Variants in POLI observed in about 807,000 individuals in gnomAD.
POLI encodes DNA polymerase iota, also known as RAD30 homolog B.
Under a neutral mutation model 51.6 loss-of-function variants are expected in POLI, and 58 were observed. That is an observed-to-expected ratio of 1.12 (90% CI 0.91 to 1.40). POLI has a LOEUF of 1.40. Among genes scored for constraint, POLI ranks in the 40% most tolerant of loss-of-function variants. POLI has a pLI of 0.00. For synonymous variants in POLI, 322 were observed against 299.7 expected (o/e 1.07, Z -0.77); for missense variants, 921 against 871.3 (o/e 1.06, Z -0.72).
chr18:54,321,012 A>C (rs923438289), intron 4 of POLI: 2 of 152,194 alleles, frequency 1.3e-5, no homozygotes, highest in Non-Finnish European at 2.9e-5. Context: ...CCAGTTTTAC[A>C]TGCACTCATT....
At chr18:54,271,814 A>C (rs531298864) in intron 2 of POLI, among the ~76,000 whole-genome samples, 4 of 152,328 alleles carry the variant, frequency 2.6e-5, no homozygotes, top group African/African-American at 9.6e-5. Flanking sequence ...TGTTCTCAAA[A>C]ACAGCCTCTT....
In POLI at chr18:54,283,913, C is replaced by CT. The variant is rs1253471320; in HGVS notation, c.976-6dup. On this transcript the variant is annotated splice_polypyrimidine_tract_variant and intron_variant, in intron 6 of 9. Coordinates refer to ENST00000579534, the MANE Select transcript of POLI (RefSeq NM_007195.3). ...TTTGTGCTAATCCTTATTTATGCTT[C>CT]TTTGATAGTCCTTTAGTGAAGAAGA... The CT allele has an allele frequency of 1.8e-6, 2 of 1,085,726 alleles. No homozygotes were observed. Among genetic ancestry groups the CT allele is most frequent in the African/African-American group, 3.1e-5 (2 of 63,642 alleles). The allele number at this position is 1,085,726 out of a possible 1,614,324, so 67.3% of individuals were successfully genotyped here.
chr18:54,303,071 G>A (rs1171322045), downstream of POLI, among the ~76,000 whole-genome samples: 1 of 152,166 alleles, frequency 6.6e-6, no homozygotes, highest in Admixed American at 6.6e-5. Context: ...AAGTAATGAT[G>A]TATTGCTATT....
chr18:54,300,713 A>G (rs997904275), downstream of POLI, among the ~76,000 whole-genome samples: 1 of 152,188 alleles, frequency 6.6e-6, no homozygotes, highest in South Asian at 2.1e-4. Context: ...TCTGCTGTGT[A>G]TATAAAATTT....
intron 3 of POLI, among the ~76,000 whole-genome samples, chr18:54,314,956 G>A (rs779697183): frequency 2.0e-5 from 3 of 148,902 alleles, no homozygotes; most frequent in Admixed American, 6.7e-5. Context: ...TTGGGTCTCA[G>A]TGTTATTCTG....
At chr18:54,287,231 A>G (rs113942895) in intron 7 of POLI, 50 bp from the exon 8 acceptor site, 2 of 1,336,490 alleles carry the variant, frequency 1.5e-6, no homozygotes, top group African/African-American at 2.9e-5. Context: ...CATAATTTAA[A>G]AAGGTAATAC....
Position 54,297,902 on chromosome 18 carries a change from T to C in POLI, c.*3435T>C. On this transcript the variant is annotated 3_prime_UTR_variant, in exon 10 of 10. Transcript: ENST00000579534. ...TTTTTTCTTGTGTGTCAGATGTTCCTTCTAGGTAGAATTCTTTATACCTTC... is the reference window on the plus strand; with the variant it reads ...TTTTTTCTTGTGTGTCAGATGTTCCCTCTAGGTAGAATTCTTTATACCTTC... The C allele has an allele frequency of 1.0e-6, 1 of 982,328 alleles. No homozygotes were observed. The highest frequency in any genetic ancestry group is 4.7e-5 in the South Asian group (1 of 21,256). The allele number at this position is 982,328 out of a possible 1,614,324, so 60.9% of individuals were successfully genotyped here.
chr18:54,297,363 G>A lies in POLI; in HGVS notation c.*2896G>A. 1 of 981,662 alleles carries A rather than the reference G, an allele frequency of 1.0e-6. No individual in the cohort carries two copies. Among genetic ancestry groups the A allele is most frequent in the Non-Finnish European group, 1.2e-6 (1 of 827,802 alleles). The allele number at this position is 981,662 out of a possible 1,614,324, so 60.8% of individuals were successfully genotyped here. A position where few individuals can be genotyped will look rare whatever the true frequency, so the allele number is the denominator to read the frequency against. On this transcript the variant is annotated 3_prime_UTR_variant, in exon 10 of 10. Transcript: ENST00000579534. ...TTTTTATTTTTTCTGTTTCTCTCTT[G>A]AGTGTATAGTGTAGAGGGGGTTTCT...
downstream of POLI, among the ~76,000 whole-genome samples, chr18:54,299,759 A>G (rs908050401): frequency 1.3e-5 from 2 of 152,202 alleles, no homozygotes; most frequent in African/African-American, 4.8e-5. Context: ...CTATAAACCC[A>G]CAGGTCCAAA....
chr18:54,309,645 G>T (rs2144643442), intron 3 of POLI, among the ~76,000 whole-genome samples: 1 of 152,324 alleles, frequency 6.6e-6, no homozygotes, highest in South Asian at 2.1e-4. Flanking sequence ...GTCTGCAGAA[G>T]TTTCTGCTGC....
chr18:54,313,429 G>A (rs533073497), intron 3 of POLI, among the ~76,000 whole-genome samples: 1 of 152,120 alleles, frequency 6.6e-6, no homozygotes, highest in South Asian at 2.1e-4. Context: ...GATTGCTTTG[G>A]CTATTTGGGC....
chr18:54,317,390 A>C (rs2088747326), intron 3 of POLI, among the ~76,000 whole-genome samples: 1 of 152,230 alleles, frequency 6.6e-6, no homozygotes, highest in African/African-American at 2.4e-5. Context: ...GTTGATATTC[A>C]TACAAGTGTG....
rs34365028 is a variant in POLI at position 54,286,943 on chromosome 18, C to CA, written c.1068-325dup. ...TGGGCAACAGAGTGAGACTCCATCTCAAAAAAAAAAAAATTGGTTGCTTTT... is the reference window on the plus strand; with the variant it reads ...TGGGCAACAGAGTGAGACTCCATCTCAAAAAAAAAAAAAATTGGTTGCTTTT... On this transcript the variant is annotated intron_variant, in intron 7 of 9. Transcript: ENST00000579534. Among the ~76,000 whole-genome samples the CA allele has an allele frequency of 7.9e-3, 1,122 of 141,770 alleles. 4 individuals are homozygous for CA. Among genetic ancestry groups the CA allele is most frequent in the East Asian group, 0.018 (90 of 4,908 alleles). The allele number at this position is 141,770 out of a possible 152,430, so 93.0% of individuals were successfully genotyped here.
In POLI at chr18:54,297,981, C is replaced by G; in HGVS notation, c.*3514C>G. ...TAGAACTGACATCTCTTGAGCTGTT[C>G]TAAGATAATATCTTTTACTTTGGAG... On this transcript the variant is annotated 3_prime_UTR_variant, in exon 10 of 10. Transcript: ENST00000579534. 1 of 980,738 alleles carries G rather than the reference C, an allele frequency of 1.0e-6. No homozygotes were observed. 60.8% of individuals were successfully genotyped at this position (980,738 alleles called of 1,614,324 possible).
In POLI at chr18:54,295,496, G is replaced by A; in HGVS notation, c.*1029G>A. The A allele has an allele frequency of 1.1e-6, 1 of 946,416 alleles. No homozygotes were observed. Among genetic ancestry groups the A allele is most frequent in the Non-Finnish European group, 1.3e-6 (1 of 794,504 alleles). 58.6% of individuals were successfully genotyped at this position (946,416 alleles called of 1,614,324 possible). On this transcript the variant is annotated 3_prime_UTR_variant, in exon 10 of 10. Coordinates refer to ENST00000579534, the MANE Select transcript of POLI (RefSeq NM_007195.3). ...CTAAAGTATCCCTCAGCACCAATATGGGAGTATCCTGGTCTCAAGTTTATA... is the reference window on the plus strand; with the variant it reads ...CTAAAGTATCCCTCAGCACCAATATAGGAGTATCCTGGTCTCAAGTTTATA...
chr18:54,297,869 G>T lies in POLI; in HGVS notation c.*3402G>T. On this transcript the variant is annotated 3_prime_UTR_variant, in exon 10 of 10. Coordinates refer to ENST00000579534, the MANE Select transcript of POLI (RefSeq NM_007195.3). The stretch of plus-strand genomic sequence containing the variant: ...TATTTTTTTGATGGGACATGGTGGG[G>T]GCTTACCTTTTTTCTTGTGTGTCAG... The T allele has an allele frequency of 1.0e-6, 1 of 980,882 alleles. No homozygotes were observed. Among genetic ancestry groups the T allele is most frequent in the Non-Finnish European group, 1.2e-6 (1 of 826,666 alleles). The allele number at this position is 980,882 out of a possible 1,614,324, so 60.8% of individuals were successfully genotyped here. A position where few individuals can be genotyped will look rare whatever the true frequency, so the allele number is the denominator to read the frequency against.
At chr18:54,283,763 TA>T (rs1159370914) in intron 6 of POLI, 158 bp from the exon 7 acceptor site, 6 of 450,420 alleles carry the variant, frequency 1.3e-5, no homozygotes, top group African/African-American at 8.0e-5. Flanking sequence ...AGCTTGCAGA[TA>T]AAAAACTGTT....
Position 54,277,860 on chromosome 18 carries a change from G to C in POLI, c.559+5G>C. ...GTCATGTATACAATAATCAGTGTGA[G>C]TGGGTTCTTATTCATTCTACCTACT... On this transcript the variant is annotated splice_donor_5th_base_variant and intron_variant, in intron 4 of 9. Transcript: ENST00000579534. The C allele has an allele frequency of 6.2e-7, 1 of 1,600,910 alleles. No homozygotes were observed. Among genetic ancestry groups the C allele is most frequent in the Non-Finnish European group, 8.5e-7 (1 of 1,173,010 alleles).
At chr18:54,317,124 T>C (rs1234149396) in intron 3 of POLI, among the ~76,000 whole-genome samples, 2 of 152,226 alleles carry the variant, frequency 1.3e-5, no homozygotes, top group Non-Finnish European at 2.9e-5. Flanking sequence ...TGTTGGACTT[T>C]AGAAAGTGCT....
Sources: allele counts gnomAD v4.1 joint callset (sites outside exome capture counted in the v4.1 genomes callset), GRCh38; gene constraint gnomAD v4.1.1; transcripts MANE v1.5; gene names NCBI Gene and HGNC (gene_info 2026-07-23, HGNC 2026-07-21).